EBF3: variants seen among roughly 807,000 people sequenced by gnomAD.
EBF3 encodes the protein transcription factor COE3.
In EBF3, 18 loss-of-function variants were observed where a neutral mutation model predicts 77.1. The observed-to-expected ratio is 0.23, with a 90% confidence interval of 0.16 to 0.35. EBF3 has a LOEUF of 0.35. EBF3 is among the 10% of genes least tolerant of loss of function. The pLI, the probability that EBF3 is intolerant of heterozygous loss-of-function variation, is 1.00. For missense variants in EBF3, 558 were observed against 860.0 expected (o/e 0.65, Z 4.39); for synonymous variants, 350 against 343.5 (o/e 1.02, Z -0.21).
intron 10 of EBF3, among the ~76,000 whole-genome samples, chr10:129,854,961 C>G (rs547255740): frequency 6.6e-6 from 1 of 152,298 alleles, no homozygotes; most frequent in East Asian, 1.9e-4. Flanking sequence ...CACCCAGAGG[C>G]AAACCTTGTG....
At chr10:129,900,607 C>T (rs1265342623) in intron 6 of EBF3, among the ~76,000 whole-genome samples, 4 of 152,242 alleles carry the variant, frequency 2.6e-5, no homozygotes, top group African/African-American at 9.6e-5. Context: ...AAAGGGCCTC[C>T]AGTTCTCCTC....
intron 8 of EBF3, among the ~76,000 whole-genome samples, chr10:129,872,140 C>A (rs1240412172): frequency 7.2e-5 from 11 of 152,210 alleles, no homozygotes. Context: ...CACCAGAGGG[C>A]TGGGGAGGCC....
At chr10:129,960,126 A>G (rs1476247504) in intron 4 of EBF3, among the ~76,000 whole-genome samples, 2 of 150,736 alleles carry the variant, frequency 1.3e-5, no homozygotes, top group African/African-American at 4.9e-5. Flanking sequence ...AAAAAAAAAA[A>G]GTCTACTGGG....
intron 15 of EBF3, 101 bp from the exon 16 acceptor site, chr10:129,839,296 G>A (rs1849834315): frequency 5.6e-6 from 3 of 531,622 alleles, no homozygotes; most frequent in South Asian, 3.2e-5. Flanking sequence ...TACCAAAGGT[G>A]GTGTCTGAAA....
At chr10:129,915,498 A>AC (rs5789004) in intron 6 of EBF3, among the ~76,000 whole-genome samples, 15,006 of 57,326 alleles carry the variant, frequency 0.26, 869 homozygotes, top group African/African-American at 0.42. Context: ...ACACACACAC[A>AC]AAAAAGCCAA....
intron 8 of EBF3, among the ~76,000 whole-genome samples, chr10:129,872,006 G>GCTACATTT (rs1852439758): frequency 1.3e-5 from 2 of 152,154 alleles, no homozygotes; most frequent in African/African-American, 4.8e-5. Flanking sequence ...TTCTCTAAAC[G>GCTACATTT]CTACATTTTC....
rs529722586 is a variant in EBF3, at chr10:129,945,998, C to A, written c.554+11260G>T. On this transcript the variant is annotated intron_variant, in intron 6 of 16. Transcript: ENST00000440978. The stretch of plus-strand genomic sequence containing the variant: ...AAAGTTTCCACTCGTTAGAAGATAT[C>A]GCTACTATTTCCTTCCAAAAAAAAA... Among the ~76,000 whole-genome samples, 29 of 150,706 alleles carry A rather than the reference C, an allele frequency of 1.9e-4. No individual in the cohort carries two copies. The East Asian group carries it at 5.7e-3, about 30-fold the overall frequency.
Position 129,842,539 on chromosome 10 carries a change from G to A in EBF3, c.1195-246C>T, listed in dbSNP as rs185112464. 1.7e-4 allele frequency among the ~76,000 whole-genome samples: 26 copies of A among 152,228 alleles called. No individual in the cohort carries two copies. The highest frequency in any genetic ancestry group is 4.6e-4 in the Admixed American group (7 of 15,302). On this transcript the variant is annotated intron_variant, in intron 12 of 16. Coordinates refer to ENST00000440978, the MANE Select transcript of EBF3 (RefSeq NM_001375380.1). This position sits in a 1 kb window ranked among gnomAD's most constrained non-coding sequence, Gnocchi z 4.4. ...AGCATTTTGGGAGGTCAAGGCAGGCGGATCATCTGAGGTCAGGAGTTCAAG... is the reference window on the plus strand; with the variant it reads ...AGCATTTTGGGAGGTCAAGGCAGGCAGATCATCTGAGGTCAGGAGTTCAAG...
At chr10:129,877,503 G>T (rs987520074) in intron 7 of EBF3, among the ~76,000 whole-genome samples, 1 of 114,868 alleles carries the variant, frequency 8.7e-6, no homozygotes, top group Non-Finnish European at 1.8e-5. Context: ...AAAAAAAAAA[G>T]CTTCCACATG....
intron 4 of EBF3, among the ~76,000 whole-genome samples, chr10:129,960,520 G>A (rs1403757045): frequency 6.6e-6 from 1 of 152,166 alleles, no homozygotes. Context: ...CCGATGGATC[G>A]CCGTATTTAT....
intron 6 of EBF3, among the ~76,000 whole-genome samples, chr10:129,883,019 G>A (rs10829657): frequency 0.49 from 74,915 of 152,048 alleles, 20,548 homozygotes; most frequent in Non-Finnish European, 0.6. Flanking sequence ...AAGAGAAAAA[G>A]GAAACTTTGA....
At chr10:129,898,860 G>A (rs986699035) in intron 6 of EBF3, among the ~76,000 whole-genome samples, 2 of 152,128 alleles carry the variant, frequency 1.3e-5, no homozygotes, top group African/African-American at 4.8e-5. Context: ...TGCGCCTCCC[G>A]CAGCAAGGCT....
intron 6 of EBF3, among the ~76,000 whole-genome samples, chr10:129,917,651 C>CAAAAAAAA (rs71481019): frequency 0.013 from 297 of 23,564 alleles, 53 homozygotes; most frequent in African/African-American, 0.015. Context: ...GACCCTGCCT[C>CAAAAAAAA]AAAAAAAAAA....
At position 129,935,954 on chromosome 10, in the gene EBF3, T is replaced by C. The variant is rs1857325582; in HGVS notation, c.554+21304A>G. Among the ~76,000 whole-genome samples, 2 of 151,436 alleles carry C rather than the reference T, an allele frequency of 1.3e-5. No individual in the cohort carries two copies. The highest frequency in any genetic ancestry group is 4.9e-5 in the African/African-American group (2 of 40,920). On this transcript the variant is annotated intron_variant, in intron 6 of 16. Transcript: ENST00000440978. This position sits in a 1 kb window ranked among gnomAD's most constrained non-coding sequence, Gnocchi z 4.2. ...CACCAGGGCCCCTCCTCCACCATCA[T>C]CCATCGGGGGGCTTCCTGAAGCTGC...
At chr10:129,866,214 C>T (rs555475916) in intron 10 of EBF3, among the ~76,000 whole-genome samples, 21 of 152,244 alleles carry the variant, frequency 1.4e-4, no homozygotes, top group Non-Finnish European at 1.3e-4. Flanking sequence ...CTTGACCTCC[C>T]GGGCTCAGGT....
chr10:129,933,866 C>G (rs1335095647), intron 6 of EBF3, among the ~76,000 whole-genome samples: 1 of 152,168 alleles, frequency 6.6e-6, no homozygotes, highest in Non-Finnish European at 1.5e-5. Flanking sequence ...ACGCTGGGCG[C>G]CAGCACCTGC....
chr10:129,840,141 G>T, intron 15 of EBF3, 104 bp downstream of exon 15: 1 of 1,397,768 alleles, frequency 7.2e-7, no homozygotes, highest in Non-Finnish European at 9.6e-7. Flanking sequence ...AGAACATGCA[G>T]CAGTCACAGA....
At chr10:129,933,091 T>A (rs1446900147) in intron 6 of EBF3, among the ~76,000 whole-genome samples, 1 of 152,120 alleles carries the variant, frequency 6.6e-6, no homozygotes, top group East Asian at 1.9e-4. Flanking sequence ...GATTAAAATC[T>A]CATTCGCTTG....
chr10:129,912,564 A>G (rs1476731554), intron 6 of EBF3, among the ~76,000 whole-genome samples: 2 of 152,226 alleles, frequency 1.3e-5, no homozygotes, highest in Non-Finnish European at 2.9e-5. Flanking sequence ...TTTGCTTGAC[A>G]TGATGGCAAA....
Sources: gnomAD v4.1 joint callset for allele counts (sites outside exome capture counted in the v4.1 genomes callset) on GRCh38, gnomAD v4.1.1 for gene constraint, Gnocchi (gnomAD v3.1) non-coding constraint, MANE v1.5 for transcripts, NCBI Gene and HGNC (gene_info 2026-07-23, HGNC 2026-07-21) for gene names.